ATP2C1: variants seen among roughly 807,000 people sequenced by gnomAD.
ATP2C1 encodes ATPase secretory pathway Ca2+ transporting 1, also known as calcium-transporting ATPase type 2C member 1.
In ATP2C1, 31 loss-of-function variants were observed where a neutral mutation model predicts 120.5. The ratio of observed to expected loss-of-function variants is 0.26; its 90% CI spans 0.19 to 0.35. The LOEUF (loss-of-function observed/expected upper bound fraction) is 0.35, where lower values mean the gene tolerates loss of function less well. Among genes scored for constraint, ATP2C1 ranks in the 10% least tolerant of loss-of-function variants. The pLI, the probability that ATP2C1 is intolerant of heterozygous loss-of-function variation, is 1.00. For missense variants in ATP2C1, 731 were observed against 1,107.5 expected, an observed-to-expected ratio of 0.66 and a Z score of 4.83; for synonymous variants, 351 against 358.7, an observed-to-expected ratio of 0.98 and a Z score of 0.24.
rs570873736 is a variant in ATP2C1, at chr3:130,855,298, G to A, written c.108+4370G>A. On this transcript the variant is annotated intron_variant, in intron 1 of 26. Coordinates refer to the ATP2C1 transcript ENST00000504381. ...CGGGGAATATGATATTATTTTGTTT[G>A]CTAGTTTAGTCCCAGTGCTAAGCAT... Among the ~76,000 whole-genome samples the A allele has an allele frequency of 8.5e-5, 13 of 152,256 alleles. No individual in the cohort carries two copies. The South Asian group carries it at 2.7e-3, about 32-fold the overall frequency.
intron 26 of ATP2C1, among the ~76,000 whole-genome samples, chr3:131,009,059 G>A (rs181281059): frequency 2.0e-5 from 3 of 152,308 alleles, no homozygotes; most frequent in Admixed American, 2.0e-4. Context: ...CTATCTGGTT[G>A]ATGGGCTCAC....
intron 20 of ATP2C1, among the ~76,000 whole-genome samples, chr3:130,985,438 GC>G (rs1178953029): frequency 6.6e-6 from 1 of 152,082 alleles, no homozygotes; most frequent in African/African-American, 2.4e-5. Context: ...TTCGAGACCT[GC>G]CTGGCCAACA....
chr3:131,015,528 C>T (rs2063578425), intron 26 of ATP2C1, among the ~76,000 whole-genome samples: 1 of 152,128 alleles, frequency 6.6e-6, no homozygotes, highest in East Asian at 1.9e-4. Flanking sequence ...GGCTCAACTC[C>T]CTTATTGTCC....
chr3:130,858,026 C>A (rs1045647709), intron 1 of ATP2C1, among the ~76,000 whole-genome samples: 4 of 152,052 alleles, frequency 2.6e-5, no homozygotes, highest in Admixed American at 1.3e-4. Flanking sequence ...ACTTGGAGTC[C>A]GATGTTCCAG....
At chr3:130,918,069 T>G (rs1371098013) in intron 2 of ATP2C1, among the ~76,000 whole-genome samples, 1 of 152,206 alleles carries the variant, frequency 6.6e-6, no homozygotes, top group East Asian at 1.9e-4. Context: ...GATATAGTGC[T>G]CCCTTCCTAC....
chr3:130,953,766 A>G, intron 8 of ATP2C1, 55 bp from the exon 9 acceptor site: 1 of 1,564,364 alleles, frequency 6.4e-7, no homozygotes, highest in Admixed American at 1.7e-5. Context: ...TATGAACTCT[A>G]GAGATGTTAA....
chr3:130,938,605 G>A (rs1434121466), intron 6 of ATP2C1, among the ~76,000 whole-genome samples: 6 of 152,196 alleles, frequency 3.9e-5, no homozygotes, highest in East Asian at 1.9e-4. Flanking sequence ...TCAGGGTTCC[G>A]CTTTTAGGGG....
chr3:130,879,455 G>A (rs1422766956), intron 1 of ATP2C1, among the ~76,000 whole-genome samples: 1 of 151,924 alleles, frequency 6.6e-6, no homozygotes, highest in East Asian at 1.9e-4. Context: ...TGATTTTATT[G>A]TATTGTTTAT....
downstream of ATP2C1, among the ~76,000 whole-genome samples, chr3:131,006,689 C>CT (rs1167746798): frequency 0.027 from 3,725 of 137,488 alleles, 176 homozygotes; most frequent in African/African-American, 0.091. Context: ...TTCTTGTACA[C>CT]TTTTTTTTTT....
intron 6 of ATP2C1, among the ~76,000 whole-genome samples, chr3:130,939,335 C>T (rs908220957): frequency 8.6e-5 from 13 of 151,992 alleles, no homozygotes; most frequent in South Asian, 4.2e-4. Context: ...GCCTTTTTTC[C>T]GTGTGTCTTT....
intron 2 of ATP2C1, among the ~76,000 whole-genome samples, chr3:130,916,944 C>G (rs912142745): frequency 1.3e-5 from 2 of 152,124 alleles, no homozygotes; most frequent in African/African-American, 4.8e-5. Flanking sequence ...ATCCTTAAAG[C>G]AGCTAAGGTC....
chr3:130,895,743 A>G (rs1337080353), intron 2 of ATP2C1, among the ~76,000 whole-genome samples: 1 of 152,142 alleles, frequency 6.6e-6, no homozygotes, highest in Non-Finnish European at 1.5e-5. Context: ...TGTAAGCTTG[A>G]TTGTCTGACT....
At chr3:130,948,519 A>G (rs897753857) in intron 8 of ATP2C1, among the ~76,000 whole-genome samples, 4 of 152,032 alleles carry the variant, frequency 2.6e-5, no homozygotes, top group Non-Finnish European at 4.4e-5. Context: ...AATTGTGGAT[A>G]TCTTTGAGTT....
chr3:130,859,842 A>T (rs1576525603), intron 1 of ATP2C1, among the ~76,000 whole-genome samples: 1 of 152,210 alleles, frequency 6.6e-6, no homozygotes, highest in East Asian at 1.9e-4. Context: ...TCTTTGAAAT[A>T]AGCACATTAT....
intron 1 of ATP2C1, among the ~76,000 whole-genome samples, chr3:130,884,955 C>T (rs560106211): frequency 2.3e-4 from 27 of 115,682 alleles, no homozygotes; most frequent in Middle Eastern, 7.9e-3. Context: ...TTTTTTAAGA[C>T]GGAGTCTTGC....
intron 1 of ATP2C1, among the ~76,000 whole-genome samples, chr3:130,863,263 T>C (rs2068072450): frequency 6.6e-6 from 1 of 152,208 alleles, no homozygotes; most frequent in South Asian, 2.1e-4. Flanking sequence ...AAGATATAGA[T>C]GTTCTGGTAC....
chr3:130,948,188 CT>C (rs2060226004), intron 8 of ATP2C1, among the ~76,000 whole-genome samples: 1 of 152,106 alleles, frequency 6.6e-6, no homozygotes, highest in Admixed American at 6.5e-5. Flanking sequence ...TTACTTTCTA[CT>C]TTCTTATTTC....
At chr3:130,893,258 G>C (rs527610643), upstream of ATP2C1, among the ~76,000 whole-genome samples, 1 of 152,330 alleles carries the variant, frequency 6.6e-6, no homozygotes, top group South Asian at 2.1e-4. Context: ...GCTAAAAGAA[G>C]TGCTCGTTCA....
At position 130,862,405 on chromosome 3, in the gene ATP2C1, T is replaced by C. The variant is rs189045611; in HGVS notation, c.108+11477T>C. Reference sequence around the variant, plus strand: ...CATGTTGGCCAGCGTGGTCCCGAACTCCTGGCTTCAGGTGACCTGCCTGCC... The same window carrying C: ...CATGTTGGCCAGCGTGGTCCCGAACCCCTGGCTTCAGGTGACCTGCCTGCC... On this transcript the variant is annotated intron_variant, in intron 1 of 26. Coordinates refer to the ATP2C1 transcript ENST00000504381. Among the ~76,000 whole-genome samples, 458 of 152,022 alleles carry C rather than the reference T, an allele frequency of 3.0e-3. 1 individual carries two copies. The highest frequency in any genetic ancestry group is 4.7e-3 in the Non-Finnish European group (318 of 67,988).
Sources: gnomAD v4.1 joint callset for allele counts (sites outside exome capture counted in the v4.1 genomes callset) on GRCh38, gnomAD v4.1.1 for gene constraint, MANE v1.5 for transcripts, NCBI Gene and HGNC (gene_info 2026-07-23, HGNC 2026-07-21) for gene names.